The following SLC25A12 variants were observed in gnomAD, a reference collection of about 807,000 sequenced individuals.
The protein encoded by SLC25A12 is solute carrier family 25 member 12.
SLC25A12 carries 32 observed loss-of-function variants against 83.3 expected under a neutral mutation model. That is an observed-to-expected ratio of 0.38 (90% CI 0.29 to 0.52). The LOEUF is 0.52. Among genes scored for constraint, SLC25A12 ranks in the 20% least tolerant of loss-of-function variants. The pLI is 0.84. For missense variants in SLC25A12, 611 were observed against 835.6 expected (o/e 0.73, Z 3.31); for synonymous variants, 267 against 291.1 (o/e 0.92, Z 0.84).
intron 9 of SLC25A12, among the ~76,000 whole-genome samples, chr2:171,825,947 C>A (rs1684291598): frequency 6.6e-6 from 1 of 152,170 alleles, no homozygotes. Flanking sequence ...TCAGAAGCTA[C>A]TGTTTTAATC....
In SLC25A12 at chr2:171,785,330, T is replaced by C; in HGVS notation, c.1981A>G (p.Lys661Glu). Residue 661 changes from lysine (K) to glutamate (E), a missense_variant, in exon 18 of 18, where the codon AAG (lysine) becomes GAG (glutamate). Transcript: ENST00000422440. ...TGAACCACAGCAACACTAGGAGACT[T>C]AAATTTCGGGAGATAAAGGCCAAAT... ...NKFGLYLPKF[K>E]SPSVAVVQPK... is the part of the protein sequence containing the mutation. 6.2e-7 allele frequency: 1 copy of C among 1,614,200 alleles called. No homozygotes were observed. The highest frequency in any genetic ancestry group is 1.6e-4 in the Middle Eastern group (1 of 6,062).
At chr2:171,878,597 C>A (rs1685619550) in intron 2 of SLC25A12, among the ~76,000 whole-genome samples, 1 of 152,128 alleles carries the variant, frequency 6.6e-6, no homozygotes, top group Non-Finnish European at 1.5e-5. Flanking sequence ...GCAGCTTTAT[C>A]TCTGTCTAAC....
chr2:171,879,732 T>A (rs569777358), intron 2 of SLC25A12, among the ~76,000 whole-genome samples: 182 of 152,310 alleles, frequency 1.2e-3, no homozygotes, highest in Non-Finnish European at 1.5e-3. Context: ...ATCATGTCGC[T>A]TTGACAATCA....
intron 3 of SLC25A12, among the ~76,000 whole-genome samples, chr2:171,868,433 C>A (rs2105917508): frequency 6.6e-6 from 1 of 151,636 alleles, no homozygotes; most frequent in South Asian, 2.1e-4. Context: ...CCTCCCTCAG[C>A]CTCCCGAGTA....
Position 171,868,584 on chromosome 2 carries a change from G to A in SLC25A12, c.209+97C>T, listed in dbSNP as rs571182010. On this transcript the variant is annotated intron_variant, in intron 3 of 17. Transcript: ENST00000422440. Reference sequence around the variant, plus strand: ...CCGCCTCAGCCTTCCAAAGCGCTGGGATTACAGGCATGAGCCACTGTGCCC... The same window carrying A: ...CCGCCTCAGCCTTCCAAAGCGCTGGAATTACAGGCATGAGCCACTGTGCCC... 5 of 1,244,008 alleles carry A rather than the reference G, an allele frequency of 4.0e-6. No homozygotes were observed. In the South Asian group the frequency reaches 4.8e-5, roughly 12 times the overall value. 77.1% of individuals were successfully genotyped at this position (1,244,008 alleles called of 1,614,324 possible). A position where few individuals can be genotyped will look rare whatever the true frequency, so the allele number is the denominator to read the frequency against.
At chr2:171,807,630 T>C (rs901828608) in intron 13 of SLC25A12, among the ~76,000 whole-genome samples, 19 of 152,134 alleles carry the variant, frequency 1.2e-4, no homozygotes, top group African/African-American at 3.6e-4. Flanking sequence ...AAACTTAAAA[T>C]GACCAAGAAA....
chr2:171,789,236 CTCT>C (rs1269016794), intron 15 of SLC25A12, among the ~76,000 whole-genome samples: 3 of 151,986 alleles, frequency 2.0e-5, no homozygotes, highest in Non-Finnish European at 4.4e-5. Context: ...CAGCCTGACT[CTCT>C]TTTTTTTTTG....
intron 2 of SLC25A12, among the ~76,000 whole-genome samples, chr2:171,888,273 T>TC (rs1685864114): frequency 6.6e-6 from 1 of 151,624 alleles, no homozygotes; most frequent in Non-Finnish European, 1.5e-5. Context: ...TCTATATACA[T>TC]ATATTTGTAG....
chr2:171,881,307 C>T (rs975837191), intron 2 of SLC25A12, among the ~76,000 whole-genome samples: 7 of 152,166 alleles, frequency 4.6e-5, no homozygotes, highest in African/African-American at 1.7e-4. Flanking sequence ...CATCCGCCAT[C>T]ATGCCTGGCT....
In SLC25A12 at chr2:171,823,089, T is replaced by C. The variant is rs529019809; in HGVS notation, c.930+3709A>G. On this transcript the variant is annotated intron_variant, in intron 9 of 17. Coordinates refer to ENST00000422440, the MANE Select transcript of SLC25A12 (RefSeq NM_003705.5). ...TGAGTCACTAGGATTGTAGTCTATA[T>C]GGCTGCCTTACAATGCCTCATAAAC... is the stretch of plus-strand genomic sequence containing the variant. Among the ~76,000 whole-genome samples, 16 of 152,348 alleles carry C rather than the reference T, an allele frequency of 1.1e-4. No homozygotes were observed. The South Asian group carries it at 3.3e-3, about 32-fold the overall frequency.
rs1190684312 is a variant in SLC25A12 at position 171,867,120 on chromosome 2, C to A, written c.209+1561G>T. 1.6e-3 allele frequency among the ~76,000 whole-genome samples: 237 copies of A among 151,660 alleles called. 2 individuals are homozygous for A. Among genetic ancestry groups the A allele is most frequent in the African/African-American group, 5.5e-3 (227 of 41,314 alleles). On this transcript the variant is annotated intron_variant, in intron 3 of 17. Transcript: ENST00000422440. ...CCTCACTTCCTAGATGGGATGGCGGCCGGGCAGAGACGCTCCTCACTTTCC... is the reference window on the plus strand; with the variant it reads ...CCTCACTTCCTAGATGGGATGGCGGACGGGCAGAGACGCTCCTCACTTTCC...
intron 10 of SLC25A12, among the ~76,000 whole-genome samples, chr2:171,814,121 G>A (rs1186577056): frequency 2.6e-5 from 4 of 151,918 alleles, no homozygotes; most frequent in Non-Finnish European, 4.4e-5. Flanking sequence ...ACTGCTGAAA[G>A]CCAAAACCTG....
At chr2:171,874,660 G>T (rs573498864) in intron 2 of SLC25A12, among the ~76,000 whole-genome samples, 1 of 152,068 alleles carries the variant, frequency 6.6e-6, no homozygotes. Context: ...CAATACAAGC[G>T]TTCTGTATGG....
rs1336810173 is a variant in SLC25A12, at chr2:171,785,539, G to T, written c.1836-64C>A. 4.1e-6 allele frequency: 6 copies of T among 1,460,150 alleles called. No homozygotes were observed. In the African/African-American group the frequency reaches 5.6e-5, roughly 14 times the overall value. The allele number at this position is 1,460,150 out of a possible 1,614,324, so 90.4% of individuals were successfully genotyped here. A position where few individuals can be genotyped will look rare whatever the true frequency, so the allele number is the denominator to read the frequency against. ...GGTGGATGAGCGCAGCTTACAGCTG[G>T]ACATTTTCGGTCTGACCCATGTGCC... On this transcript the variant is annotated intron_variant, in intron 17 of 17. Transcript: ENST00000422440.
intron 17 of SLC25A12, among the ~76,000 whole-genome samples, chr2:171,785,957 T>C (rs1690480847): frequency 6.6e-6 from 1 of 152,092 alleles, no homozygotes; most frequent in Admixed American, 6.5e-5. Context: ...GCTTTATGGT[T>C]TTCCAAATTT....
intron 15 of SLC25A12, among the ~76,000 whole-genome samples, chr2:171,791,126 C>A (rs537492223): frequency 6.6e-6 from 1 of 152,028 alleles, no homozygotes. Context: ...AACTTTCCCA[C>A]CTTAATGCTT....
At chr2:171,801,364 C>G (rs1238944746) in intron 13 of SLC25A12, among the ~76,000 whole-genome samples, 2 of 152,170 alleles carry the variant, frequency 1.3e-5, no homozygotes, top group East Asian at 1.9e-4. Flanking sequence ...TGTTTCTCAT[C>G]TACCTATTTT....
intron 2 of SLC25A12, among the ~76,000 whole-genome samples, chr2:171,892,289 G>A (rs906057298): frequency 2.7e-5 from 4 of 150,472 alleles, no homozygotes; most frequent in African/African-American, 4.9e-5. Flanking sequence ...GCAGTGGCAC[G>A]ATCTCGACTC....
chr2:171,875,473 C>A (rs59844139), intron 2 of SLC25A12, among the ~76,000 whole-genome samples: 67,501 of 151,930 alleles, frequency 0.44, 17,259 homozygotes, highest in East Asian at 0.7. Context: ...AAGACAGGAA[C>A]AATAGATACT....
Sources: allele counts gnomAD v4.1 joint callset (sites outside exome capture counted in the v4.1 genomes callset), GRCh38; gene constraint gnomAD v4.1.1; transcripts MANE v1.5; gene names NCBI Gene and HGNC (gene_info 2026-07-23, HGNC 2026-07-21).